GRIK3: variants seen among roughly 807,000 people sequenced by gnomAD.
GRIK3 encodes the protein glutamate receptor ionotropic, kainate 3.
Under a neutral mutation model 102.5 loss-of-function variants are expected in GRIK3, and 29 were observed. The ratio of observed to expected loss-of-function variants is 0.28; its 90% confidence interval spans 0.21 to 0.39. GRIK3 has a LOEUF of 0.39. Among genes scored for constraint, GRIK3 ranks in the 10% least tolerant of loss-of-function variants. The pLI, the probability that GRIK3 is intolerant of heterozygous loss-of-function variation, is 1.00. For synonymous variants in GRIK3, 511 were observed against 504.9 expected (o/e 1.01, Z -0.16); for missense variants, 908 against 1,252.4 (o/e 0.73, Z 4.15).
At chr1:36,973,680 T>C (rs934869589) in intron 1 of GRIK3, among the ~76,000 whole-genome samples, 5 of 151,856 alleles carry the variant, frequency 3.3e-5, no homozygotes, top group African/African-American at 1.2e-4. Context: ...CCACCTACCT[T>C]GGCCTCCCAA....
At chr1:36,823,472 C>CAAAAAAA (rs71053954) in intron 11 of GRIK3, among the ~76,000 whole-genome samples, 2 of 38,098 alleles carry the variant, frequency 5.2e-5, no homozygotes, top group African/African-American at 8.5e-5. Flanking sequence ...GACTCCGTCT[C>CAAAAAAA]AAAAAAAAAA....
At chr1:36,924,575 G>A (rs1335918807) in intron 1 of GRIK3, among the ~76,000 whole-genome samples, 5 of 152,150 alleles carry the variant, frequency 3.3e-5, no homozygotes, top group African/African-American at 1.2e-4. Flanking sequence ...GGGAGTAGGA[G>A]GGAGGCACAG....
intron 1 of GRIK3, among the ~76,000 whole-genome samples, chr1:36,902,320 A>T (rs533095299): frequency 3.3e-4 from 50 of 152,226 alleles, no homozygotes; most frequent in Non-Finnish European, 5.4e-4. Context: ...ACACGGCTCA[A>T]CTTCAAGACT....
At chr1:37,018,432 C>T (rs921149593) in intron 1 of GRIK3, among the ~76,000 whole-genome samples, 2 of 152,290 alleles carry the variant, frequency 1.3e-5, no homozygotes, top group Admixed American at 6.5e-5. Context: ...TCTCATACAC[C>T]GCAACCCTTA....
At chr1:36,827,984 T>C (rs1335136121) in intron 10 of GRIK3, among the ~76,000 whole-genome samples, 1 of 151,690 alleles carries the variant, frequency 6.6e-6, no homozygotes, top group African/African-American at 2.4e-5. Flanking sequence ...GGAATTTGCC[T>C]GGCTGAAGGC....
At chr1:36,851,706 G>A (rs1002002240) in intron 8 of GRIK3, among the ~76,000 whole-genome samples, 3 of 152,232 alleles carry the variant, frequency 2.0e-5, no homozygotes, top group African/African-American at 7.2e-5. Context: ...GCTGTGACCC[G>A]GTGCCTTGGT....
chr1:36,804,687 G>A, intron 15 of GRIK3: 1 of 512,512 alleles, frequency 2.0e-6, no homozygotes, highest in Admixed American at 3.6e-5. Context: ...CAAGGTACCA[G>A]TTGCTGTGTG....
chr1:36,956,312 T>C (rs562572407), intron 1 of GRIK3, among the ~76,000 whole-genome samples: 1 of 152,178 alleles, frequency 6.6e-6, no homozygotes, highest in Non-Finnish European at 1.5e-5. Context: ...AGGTGCTGCA[T>C]AGGCAGAAGC....
intron 1 of GRIK3, among the ~76,000 whole-genome samples, chr1:36,957,426 A>ACTCTGT (rs1641926973): frequency 3.4e-5 from 1 of 29,222 alleles, no homozygotes; most frequent in African/African-American, 1.0e-4. Flanking sequence ...GTGCCCCATG[A>ACTCTGT]GCCTCTGTGC....
intron 1 of GRIK3, among the ~76,000 whole-genome samples, chr1:36,923,168 C>CT (rs1290511687): frequency 6.6e-6 from 1 of 152,220 alleles, no homozygotes; most frequent in East Asian, 1.9e-4. Flanking sequence ...GTTAAATTAA[C>CT]TGATTAAAAC....
chr1:36,956,273 G>A (rs956974373), intron 1 of GRIK3, among the ~76,000 whole-genome samples: 1 of 152,230 alleles, frequency 6.6e-6, no homozygotes, highest in Non-Finnish European at 1.5e-5. Context: ...GGTAGGAAGG[G>A]GTGGCCACCT....
chr1:36,805,351 A>T, intron 14 of GRIK3, 114 bp from the exon 15 acceptor site: 1 of 1,073,412 alleles, frequency 9.3e-7, no homozygotes, highest in Non-Finnish European at 1.3e-6. Context: ...CAGCTCATGA[A>T]AGGGGGTCCC....
At chr1:36,921,382 T>C (rs1177551320) in intron 1 of GRIK3, among the ~76,000 whole-genome samples, 1 of 152,246 alleles carries the variant, frequency 6.6e-6, no homozygotes, top group African/African-American at 2.4e-5. Flanking sequence ...ATCTGGGGGA[T>C]GATCTTGTTA....
intron 1 of GRIK3, among the ~76,000 whole-genome samples, chr1:36,909,727 C>A (rs965144885): frequency 6.6e-6 from 1 of 152,112 alleles, no homozygotes; most frequent in African/African-American, 2.4e-5. Context: ...GCAAGAAAAC[C>A]ACTGCTCAAA....
At chr1:36,938,449 G>A (rs1458168799) in intron 1 of GRIK3, among the ~76,000 whole-genome samples, 3 of 152,224 alleles carry the variant, frequency 2.0e-5, no homozygotes, top group East Asian at 3.8e-4. Context: ...TACTGCCGGG[G>A]AGGGAACCAG....
intron 1 of GRIK3, among the ~76,000 whole-genome samples, chr1:36,989,194 C>CCA (rs1195840747): frequency 2.0e-5 from 3 of 152,280 alleles, no homozygotes; most frequent in Admixed American, 1.3e-4. Context: ...CATCCTCTCT[C>CCA]CACACACACA....
At chr1:36,976,679 C>T (rs984451796) in intron 1 of GRIK3, among the ~76,000 whole-genome samples, 3 of 152,166 alleles carry the variant, frequency 2.0e-5, no homozygotes, top group African/African-American at 7.2e-5. Flanking sequence ...CTGATCTTTA[C>T]CCCCTCCCCA....
chr1:36,841,980 G>C (rs763849613), intron 9 of GRIK3, 41 bp from the exon 10 acceptor site: 1 of 1,535,424 alleles, frequency 6.5e-7, no homozygotes, highest in South Asian at 1.1e-5. Flanking sequence ...AGACTGAGCA[G>C]CTAGGGCGGA....
chr1:36,873,067 G>A (rs553526093), intron 3 of GRIK3, among the ~76,000 whole-genome samples: 1 of 152,244 alleles, frequency 6.6e-6, no homozygotes, highest in Non-Finnish European at 1.5e-5. Context: ...GTCCAGAAAA[G>A]ATCACCCTCT....
Sources: allele counts gnomAD v4.1 joint callset (sites outside exome capture counted in the v4.1 genomes callset), GRCh38; gene constraint gnomAD v4.1.1; transcripts MANE v1.5; gene names NCBI Gene and HGNC (gene_info 2026-07-23, HGNC 2026-07-21).